The following NPAS3 variants were observed in gnomAD, a reference collection of about 807,000 sequenced individuals.
The protein encoded by NPAS3 is neuronal PAS domain-containing protein 3.
Under a neutral mutation model 73.1 loss-of-function variants are expected in NPAS3, and 14 were observed. The ratio of observed to expected loss-of-function variants is 0.19; its 90% CI spans 0.13 to 0.30. The LOEUF (loss-of-function observed/expected upper bound fraction) is 0.30, where lower values mean the gene tolerates loss of function less well. NPAS3 is among the 10% of genes least tolerant of loss of function. The pLI, the probability that NPAS3 is intolerant of heterozygous loss-of-function variation, is 1.00. For missense variants in NPAS3, 1,096 were observed against 1,250.0 expected (o/e 0.88, Z 1.86); for synonymous variants, 620 against 541.5 (o/e 1.14, Z -2.01).
At chr14:33,309,013 A>T (rs947830693) in intron 3 of NPAS3, among the ~76,000 whole-genome samples, 2 of 152,180 alleles carry the variant, frequency 1.3e-5, no homozygotes, top group Non-Finnish European at 2.9e-5. Flanking sequence ...ACAAACTTAG[A>T]TGAGCCAGCT....
intron 5 of NPAS3, among the ~76,000 whole-genome samples, chr14:33,588,899 G>C (rs1457602065): frequency 6.6e-6 from 1 of 152,154 alleles, no homozygotes; most frequent in Admixed American, 6.5e-5. Flanking sequence ...AGAATTACAG[G>C]TGTGAGCCAC....
intron 3 of NPAS3, among the ~76,000 whole-genome samples, chr14:33,246,839 CAAAAAAAAAAAAA>C (rs571439161): frequency 3.2e-5 from 2 of 61,954 alleles, no homozygotes; most frequent in Non-Finnish European, 5.5e-5. Context: ...ATTAAAAATA[CAAAAAAAAAAAAA>C]AAAAAAAAAA....
chr14:33,111,609 T>A (rs1178806492), intron 2 of NPAS3, among the ~76,000 whole-genome samples: 1 of 151,778 alleles, frequency 6.6e-6, no homozygotes, highest in Non-Finnish European at 1.5e-5. Context: ...TTGCATCATT[T>A]AAAAAAATAC....
At chr14:33,563,479 C>G (rs1334350812) in intron 5 of NPAS3, among the ~76,000 whole-genome samples, 1 of 148,208 alleles carries the variant, frequency 6.7e-6, no homozygotes, top group Non-Finnish European at 1.5e-5. Flanking sequence ...TTCTGAAGCT[C>G]CTCAACAGTC....
rs562225839 is a variant in NPAS3 at position 33,348,153 on chromosome 14, A to G, written c.386-19033A>G. Among the ~76,000 whole-genome samples, 7 of 152,284 alleles carry G rather than the reference A, an allele frequency of 4.6e-5. No homozygotes were observed. In the South Asian group the frequency reaches 1.4e-3, roughly 32 times the overall value. Reference sequence around the variant, plus strand: ...GCATTTTAGAGAGGAGGAAATCAAGACTCAGCAAGCCTCAGTAACTTGCCC... The same window carrying G: ...GCATTTTAGAGAGGAGGAAATCAAGGCTCAGCAAGCCTCAGTAACTTGCCC... On this transcript the variant is annotated intron_variant, in intron 3 of 11. Transcript: ENST00000356141.
At chr14:32,975,556 T>C (rs910425163) in intron 1 of NPAS3, among the ~76,000 whole-genome samples, 92 of 152,348 alleles carry the variant, frequency 6.0e-4, no homozygotes, top group African/African-American at 2.0e-3. Flanking sequence ...CCTTTGTTGA[T>C]GTTGCCAACA....
intron 1 of NPAS3, among the ~76,000 whole-genome samples, chr14:32,996,174 T>A (rs2038561866): frequency 6.6e-6 from 1 of 152,158 alleles, no homozygotes; most frequent in Non-Finnish European, 1.5e-5. Flanking sequence ...AGGTTTGTAA[T>A]TTGAACTTGA....
chr14:33,711,184 A>C (rs1273158479), intron 6 of NPAS3, among the ~76,000 whole-genome samples: 1 of 152,226 alleles, frequency 6.6e-6, no homozygotes, highest in Non-Finnish European at 1.5e-5. Context: ...TTAAAAATTT[A>C]CTAAGATAAA....
intron 4 of NPAS3, among the ~76,000 whole-genome samples, chr14:33,490,063 G>C (rs897980943): frequency 6.6e-6 from 1 of 152,068 alleles, no homozygotes; most frequent in South Asian, 2.1e-4. Context: ...TCATGAAGTA[G>C]GATCTTTTTA....
chr14:33,543,253 C>T (rs2054602243), intron 4 of NPAS3, among the ~76,000 whole-genome samples: 1 of 152,110 alleles, frequency 6.6e-6, no homozygotes, highest in South Asian at 2.1e-4. Flanking sequence ...CATCTGCTTC[C>T]AGTTATATAT....
intron 5 of NPAS3, among the ~76,000 whole-genome samples, chr14:33,635,653 C>G (rs942368159): frequency 6.6e-6 from 1 of 152,158 alleles, no homozygotes; most frequent in African/African-American, 2.4e-5. Flanking sequence ...CCGCCATCAC[C>G]CATTATCAGA....
At chr14:33,655,331 CTTTTTTTTTTT>C (rs3059406) in intron 5 of NPAS3, among the ~76,000 whole-genome samples, 5,988 of 105,976 alleles carry the variant, frequency 0.057, 194 homozygotes, top group Admixed American at 0.13. Flanking sequence ...ACCTTTGGCT[CTTTTTTTTTTT>C]TTTTTTTTTT....
At chr14:33,565,931 C>T (rs533711359) in intron 5 of NPAS3, among the ~76,000 whole-genome samples, 9 of 151,360 alleles carry the variant, frequency 5.9e-5, no homozygotes, top group Admixed American at 4.0e-4. Context: ...TTTTCTGCAG[C>T]TTGTGACCAC....
intron 1 of NPAS3, among the ~76,000 whole-genome samples, chr14:33,050,048 C>T (rs1342225190): frequency 6.6e-6 from 1 of 152,076 alleles, no homozygotes; most frequent in Non-Finnish European, 1.5e-5. Context: ...TGAGGGAGTT[C>T]TGTAGGTATG....
chr14:33,570,307 G>A (rs2056149977), intron 5 of NPAS3, among the ~76,000 whole-genome samples: 1 of 152,160 alleles, frequency 6.6e-6, no homozygotes, highest in African/African-American at 2.4e-5. Flanking sequence ...TTGGTCATCT[G>A]GAAGAGGAAA....
intron 4 of NPAS3, among the ~76,000 whole-genome samples, chr14:33,423,688 G>A (rs2048444168): frequency 6.6e-6 from 1 of 151,926 alleles, no homozygotes; most frequent in African/African-American, 2.4e-5. Context: ...AAGAAGTAAA[G>A]TTCTTCATGT....
intron 3 of NPAS3, among the ~76,000 whole-genome samples, chr14:33,349,450 A>G (rs1240598794): frequency 6.6e-6 from 1 of 152,228 alleles, no homozygotes; most frequent in Non-Finnish European, 1.5e-5. Flanking sequence ...TAACTAGCTG[A>G]TGGACCAATC....
chr14:33,553,836 C>T (rs553242534), intron 4 of NPAS3, among the ~76,000 whole-genome samples: 3 of 152,246 alleles, frequency 2.0e-5, no homozygotes, highest in East Asian at 3.9e-4. Flanking sequence ...TTTTCTTCCC[C>T]GTAAACAGAC....
intron 5 of NPAS3, among the ~76,000 whole-genome samples, chr14:33,664,723 G>T (rs1388593299): frequency 6.6e-6 from 1 of 152,196 alleles, no homozygotes; most frequent in African/African-American, 2.4e-5. Flanking sequence ...GTTCTCAAAA[G>T]AAGACATTTA....
Sources: gnomAD v4.1 joint callset for allele counts (sites outside exome capture counted in the v4.1 genomes callset) on GRCh38, gnomAD v4.1.1 for gene constraint, MANE v1.5 for transcripts, NCBI Gene and HGNC (gene_info 2026-07-23, HGNC 2026-07-21) for gene names.